NRG3: variants seen among roughly 807,000 people sequenced by gnomAD.
NRG3 encodes neuregulin 3.
In NRG3, 31 loss-of-function variants were observed where a neutral mutation model predicts 66.9. That is an observed-to-expected ratio of 0.46 (90% CI 0.35 to 0.63). The LOEUF (loss-of-function observed/expected upper bound fraction) is 0.63. Among genes scored for constraint, NRG3 ranks in the 20% least tolerant of loss-of-function variants. The probability of loss-of-function intolerance (pLI) is 0.00; values close to 1 mark genes in which losing one functional copy is unlikely to be tolerated. For missense variants in NRG3, 910 were observed against 878.9 expected (o/e 1.04, Z -0.45); for synonymous variants, 393 against 359.4 (o/e 1.09, Z -1.06).
chr10:82,954,584 A>G lies in NRG3; in HGVS notation c.1157+3013A>G, dbSNP rs188244387. Among the ~76,000 whole-genome samples the G allele has an allele frequency of 4.6e-5, 7 of 151,988 alleles. No individual in the cohort carries two copies. In the East Asian group the frequency reaches 1.4e-3, roughly 29 times the overall value. ...CAATTAATAACTAAAGGCAAAAATGATAAAATGATGATACAAATGGAAGTA... is the reference window on the plus strand; with the variant it reads ...CAATTAATAACTAAAGGCAAAAATGGTAAAATGATGATACAAATGGAAGTA... On this transcript the variant is annotated intron_variant, in intron 5 of 8. Transcript: ENST00000372141.
At chr10:82,586,079 G>C (rs1053552147) in intron 2 of NRG3, among the ~76,000 whole-genome samples, 2 of 152,010 alleles carry the variant, frequency 1.3e-5, no homozygotes, top group Admixed American at 1.3e-4. Flanking sequence ...ATGGATGATA[G>C]GTTCAAAGAA....
chr10:81,910,277 A>G (rs1376675507), intron 1 of NRG3, among the ~76,000 whole-genome samples: 1 of 152,186 alleles, frequency 6.6e-6, no homozygotes, highest in African/African-American at 2.4e-5. Context: ...TGCAGAGAAG[A>G]GTAAAGAGAA....
chr10:81,903,996 ATTTT>A (rs555278247), intron 1 of NRG3, among the ~76,000 whole-genome samples: 8 of 91,982 alleles, frequency 8.7e-5, no homozygotes, highest in African/African-American at 3.8e-4. Flanking sequence ...ATATATATAT[ATTTT>A]TTTTTTTTGT....
chr10:82,357,617 A>T (rs535266279), intron 1 of NRG3, among the ~76,000 whole-genome samples: 3 of 152,266 alleles, frequency 2.0e-5, no homozygotes, highest in African/African-American at 7.2e-5. Flanking sequence ...AGAGCATGTC[A>T]ACTCAGTCCT....
At chr10:82,745,328 A>G (rs2058597444) in intron 3 of NRG3, among the ~76,000 whole-genome samples, 1 of 152,158 alleles carries the variant, frequency 6.6e-6, no homozygotes, top group Non-Finnish European at 1.5e-5. Context: ...ATTTCCATGA[A>G]TAAATTAGAT....
At chr10:82,952,469 CTCTGTGTGTGTGTGTGTG>C (rs1257499274) in intron 5 of NRG3, among the ~76,000 whole-genome samples, 21 of 35,382 alleles carry the variant, frequency 5.9e-4, no homozygotes, top group Admixed American at 3.8e-4. Flanking sequence ...CTCTCTCTCT[CTCTGTGTGTGTGTGTGTG>C]TGTGTGTGTG....
chr10:82,079,126 C>T (rs956738902), intron 1 of NRG3, among the ~76,000 whole-genome samples: 1 of 151,370 alleles, frequency 6.6e-6, no homozygotes, highest in Admixed American at 6.6e-5. Flanking sequence ...CTCACTGCAA[C>T]CTCCGCCTCC....
At chr10:82,470,801 A>G (rs1325830758) in intron 2 of NRG3, among the ~76,000 whole-genome samples, 1 of 152,070 alleles carries the variant, frequency 6.6e-6, no homozygotes, top group Non-Finnish European at 1.5e-5. Context: ...TCTCAGCTCC[A>G]TTTCCCAGAA....
intron 1 of NRG3, among the ~76,000 whole-genome samples, chr10:82,023,567 T>A (rs1248098237): frequency 6.6e-6 from 1 of 152,072 alleles, no homozygotes; most frequent in Non-Finnish European, 1.5e-5. Flanking sequence ...TCATCATAAA[T>A]GGATGTTGAA....
intron 2 of NRG3, among the ~76,000 whole-genome samples, chr10:82,440,947 A>C (rs2090403698): frequency 6.6e-6 from 1 of 152,216 alleles, no homozygotes; most frequent in Non-Finnish European, 1.5e-5. Context: ...GACTCAGCTT[A>C]AATTTAGAAA....
At chr10:82,600,870 C>A (rs1182859383) in intron 2 of NRG3, among the ~76,000 whole-genome samples, 1 of 152,026 alleles carries the variant, frequency 6.6e-6, no homozygotes, top group Non-Finnish European at 1.5e-5. Flanking sequence ...GAGGTTTGAG[C>A]TTCTACTGAT....
At chr10:82,449,377 A>T (rs1475301926) in intron 2 of NRG3, among the ~76,000 whole-genome samples, 1 of 152,224 alleles carries the variant, frequency 6.6e-6, no homozygotes. Context: ...GTTTTTTGTT[A>T]TCCTTGCACT....
intron 2 of NRG3, among the ~76,000 whole-genome samples, chr10:82,446,266 G>A (rs1215197507): frequency 6.6e-6 from 1 of 152,072 alleles, no homozygotes; most frequent in Non-Finnish European, 1.5e-5. Context: ...ACGCAGTATT[G>A]GCACAAAGTA....
intron 1 of NRG3, among the ~76,000 whole-genome samples, chr10:81,938,663 A>C: frequency 6.9e-6 from 1 of 145,896 alleles, no homozygotes; most frequent in East Asian, 2.2e-4. Flanking sequence ...GCATGCAAAA[A>C]TTTTAAGGTT....
At position 82,955,144 on chromosome 10, in the gene NRG3, T is replaced by C. The variant is rs554220563; in HGVS notation, c.1157+3573T>C. ...ATCACTTAGACCTTGCCTTTATGAT[T>C]CTTTTTCCATTCCCTCGTCACCTTT... is the stretch of plus-strand genomic sequence containing the variant. On this transcript the variant is annotated intron_variant, in intron 5 of 8. Transcript: ENST00000372141. 7 of 152,018 alleles carry C rather than the reference T, an allele frequency of 4.6e-5. No homozygotes were observed. In the East Asian group the frequency reaches 1.4e-3, roughly 29 times the overall value. 9.4% of individuals were successfully genotyped at this position (152,018 alleles called of 1,614,324 possible).
At position 82,980,923 on chromosome 10, in the gene NRG3, G is replaced by A. The variant is rs142166888; in HGVS notation, c.1583+1803G>A. ...TGCCTTTTCCATATAAATAACTAAT[G>A]ATGCCTCTTATTAGTGAATATGACT... On this transcript the variant is annotated intron_variant, in intron 8 of 8. Coordinates refer to ENST00000372141, the MANE Select transcript of NRG3 (RefSeq NM_001010848.4). Among the ~76,000 whole-genome samples the A allele has an allele frequency of 5.9e-3, 892 of 152,228 alleles. 5 individuals are homozygous for A. Among genetic ancestry groups the A allele is most frequent in the Non-Finnish European group, 9.7e-3 (661 of 68,026 alleles).
At chr10:82,024,616 G>A (rs1221504122) in intron 1 of NRG3, among the ~76,000 whole-genome samples, 1 of 152,026 alleles carries the variant, frequency 6.6e-6, no homozygotes, top group East Asian at 1.9e-4. Context: ...AATTCAAGGT[G>A]TGTAGAATGA....
chr10:82,327,901 A>G (rs2081955348), intron 1 of NRG3, among the ~76,000 whole-genome samples: 1 of 152,154 alleles, frequency 6.6e-6, no homozygotes, highest in Admixed American at 6.5e-5. Context: ...GAGTCCTCTC[A>G]TAGCAATTCT....
chr10:82,386,186 C>T (rs543580560), intron 2 of NRG3, among the ~76,000 whole-genome samples: 26 of 152,078 alleles, frequency 1.7e-4, no homozygotes, highest in African/African-American at 4.8e-4. Context: ...CATATTTAAA[C>T]GAAAATGAAA....
Sources: gnomAD v4.1 joint callset for allele counts (sites outside exome capture counted in the v4.1 genomes callset) on GRCh38, gnomAD v4.1.1 for gene constraint, MANE v1.5 for transcripts, NCBI Gene and HGNC (gene_info 2026-07-23, HGNC 2026-07-21) for gene names.